The following REV3L variants were observed in gnomAD, a reference collection of about 807,000 sequenced individuals.
REV3L encodes DNA polymerase zeta catalytic subunit.
A neutral mutation model predicts 299.4 loss-of-function variants in REV3L; 69 were observed. That is an observed-to-expected ratio of 0.23 (90% CI 0.19 to 0.28). The LOEUF is 0.28. REV3L is among the 10% of genes least tolerant of loss of function. The probability of loss-of-function intolerance (pLI) is 1.00; values close to 1 mark genes in which losing one functional copy is unlikely to be tolerated. For synonymous variants in REV3L, 1,238 were observed against 1,271.4 expected, an observed-to-expected ratio of 0.97 and a Z score of 0.56; for missense variants, 3,128 against 3,693.8, an observed-to-expected ratio of 0.85 and a Z score of 3.97.
chr6:111,301,850 TAAAA>T (rs1256343460), intron 31 of REV3L, among the ~76,000 whole-genome samples: 2 of 151,850 alleles, frequency 1.3e-5, no homozygotes, highest in African/African-American at 2.4e-5. Flanking sequence ...ATGAAGAACA[TAAAA>T]AAATTAAAAA....
chr6:111,412,299 G>A (rs910024988), intron 2 of REV3L: 5 of 983,582 alleles, frequency 5.1e-6, no homozygotes, highest in Non-Finnish European at 6.0e-6. Context: ...GTATCAGCTG[G>A]AATGAGGAAA....
At chr6:111,336,822 G>A (rs965580930) in intron 21 of REV3L, among the ~76,000 whole-genome samples, 2 of 152,046 alleles carry the variant, frequency 1.3e-5, no homozygotes, top group Admixed American at 6.6e-5. Context: ...ATATCCATAC[G>A]ATACAGTATT....
chr6:111,333,089 A>G, intron 23 of REV3L, 34 bp downstream of exon 23: 2 of 1,607,774 alleles, frequency 1.2e-6, no homozygotes, highest in Non-Finnish European at 1.7e-6. Context: ...TACAAAGCAC[A>G]ACAATATTAT....
chr6:111,434,337 G>A (rs1051028220), intron 1 of REV3L, among the ~76,000 whole-genome samples: 1 of 152,070 alleles, frequency 6.6e-6, no homozygotes, highest in Admixed American at 6.5e-5. Context: ...TTAATGGTCC[G>A]GGCGTGGTGG....
At chr6:111,437,005 A>C (rs1276648322) in intron 1 of REV3L, among the ~76,000 whole-genome samples, 2 of 152,214 alleles carry the variant, frequency 1.3e-5, no homozygotes, top group Admixed American at 1.3e-4. Context: ...AAGCACATTA[A>C]AAGATTCTCA....
intron 26 of REV3L, among the ~76,000 whole-genome samples, chr6:111,319,796 A>G (rs906757185): frequency 3.3e-5 from 5 of 151,792 alleles, no homozygotes; most frequent in Non-Finnish European, 5.9e-5. Context: ...CTAGAAAGAG[A>G]ATCCAGGTCT....
chr6:111,335,267 A>G (rs2114852212), intron 22 of REV3L, among the ~76,000 whole-genome samples: 1 of 152,336 alleles, frequency 6.6e-6, no homozygotes, highest in South Asian at 2.1e-4. Flanking sequence ...GGGCATGGAC[A>G]TTTATTTTCT....
At position 111,353,435 on chromosome 6, in the gene REV3L, G is replaced by A. The variant is rs866704504; in HGVS notation, c.7185-1644C>T. 3.3e-5 allele frequency among the ~76,000 whole-genome samples: 5 copies of A among 152,234 alleles called. No individual in the cohort carries two copies. The Middle Eastern group carries it at 0.014, about 417-fold the overall frequency. On this transcript the variant is annotated intron_variant, in intron 18 of 31. Transcript: ENST00000368802. The stretch of plus-strand genomic sequence containing the variant: ...TCAAAAGAACTGGGTTCAAACTTCT[G>A]CAACAGCACACTTTTAAATTTTCCT...
At chr6:111,450,166 A>C (rs917335538) in intron 1 of REV3L, among the ~76,000 whole-genome samples, 1 of 152,170 alleles carries the variant, frequency 6.6e-6, no homozygotes, top group African/African-American at 2.4e-5. Flanking sequence ...TGAAGCACAG[A>C]AAAAGCCTGA....
Position 111,431,783 on chromosome 6 carries a change from G to A in REV3L, c.140-15311C>T, listed in dbSNP as rs1786956709. On this transcript the variant is annotated intron_variant, in intron 1 of 31. Transcript: ENST00000368802. ...GCTGAATGTGGACCTGGTGGAAGTT[G>A]AGGCCACCTGTATTTGATTATATAT... 3 of 730,366 alleles carry A rather than the reference G, an allele frequency of 4.1e-6. No homozygotes were observed. In the African/African-American group the frequency reaches 5.3e-5, roughly 13 times the overall value. The allele number at this position is 730,366 out of a possible 1,614,324, so 45.2% of individuals were successfully genotyped here. A position where few individuals can be genotyped will look rare whatever the true frequency, so the allele number is the denominator to read the frequency against.
chr6:111,401,536 C>T (rs1783080686), intron 4 of REV3L, among the ~76,000 whole-genome samples: 1 of 152,142 alleles, frequency 6.6e-6, no homozygotes, highest in South Asian at 2.1e-4. Flanking sequence ...GTCATCTAAA[C>T]CTGAGGTTAT....
At chr6:111,416,682 A>G (rs1784798455) in intron 1 of REV3L, among the ~76,000 whole-genome samples, 1 of 152,260 alleles carries the variant, frequency 6.6e-6, no homozygotes, top group South Asian at 2.1e-4. Context: ...GCATTGTATA[A>G]CAGTATGACT....
chr6:111,428,505 A>G (rs1486336107), intron 1 of REV3L, among the ~76,000 whole-genome samples: 1 of 152,204 alleles, frequency 6.6e-6, no homozygotes, highest in East Asian at 1.9e-4. Context: ...GAAATTTATT[A>G]GAGAAATTTA....
chr6:111,471,733 A>G (rs967774649), intron 1 of REV3L, among the ~76,000 whole-genome samples: 9 of 152,190 alleles, frequency 5.9e-5, no homozygotes, highest in Non-Finnish European at 1.3e-4. Flanking sequence ...GTTGAGAAGT[A>G]TGAGGTGGGG....
At chr6:111,434,375 G>A (rs1015712248) in intron 1 of REV3L, among the ~76,000 whole-genome samples, 11 of 152,134 alleles carry the variant, frequency 7.2e-5, no homozygotes, top group African/African-American at 2.4e-4. Flanking sequence ...AGCACTTTGG[G>A]AGGCCGAAGT....
At chr6:111,403,878 C>A (rs925542640) in intron 4 of REV3L, among the ~76,000 whole-genome samples, 5 of 152,130 alleles carry the variant, frequency 3.3e-5, no homozygotes, top group Non-Finnish European at 7.4e-5. Context: ...AGGAAAAGTT[C>A]TTGAAGGAAA....
intron 1 of REV3L, among the ~76,000 whole-genome samples, chr6:111,453,253 T>C (rs1789765796): frequency 6.6e-6 from 1 of 152,182 alleles, no homozygotes; most frequent in Non-Finnish European, 1.5e-5. Flanking sequence ...AGATAAATTA[T>C]TTTGCAAATT....
intron 1 of REV3L, among the ~76,000 whole-genome samples, chr6:111,458,191 G>A (rs564201948): frequency 2.0e-5 from 3 of 151,972 alleles, no homozygotes; most frequent in South Asian, 2.1e-4. Flanking sequence ...AAAGAAACAC[G>A]ATATGACCAT....
At chr6:111,432,330 A>G (rs1023922925) in intron 1 of REV3L, among the ~76,000 whole-genome samples, 9 of 152,236 alleles carry the variant, frequency 5.9e-5, no homozygotes, top group African/African-American at 2.2e-4. Context: ...TACTTCGCCT[A>G]TAAAGCCACA....
Sources: allele counts gnomAD v4.1 joint callset (sites outside exome capture counted in the v4.1 genomes callset), GRCh38; gene constraint gnomAD v4.1.1; transcripts MANE v1.5; gene names NCBI Gene and HGNC (gene_info 2026-07-23, HGNC 2026-07-21).